Variants in ADRA1A observed in about 807,000 individuals in gnomAD.
ADRA1A encodes the protein alpha-1A adrenergic receptor.
In ADRA1A, 31 loss-of-function variants were observed where a neutral mutation model predicts 29.6. That is an observed-to-expected ratio of 1.05 (90% confidence interval 0.79 to 1.41). ADRA1A has a LOEUF of 1.41. Ranked by LOEUF, ADRA1A falls within the 40% of genes most tolerant of loss-of-function variation. The pLI is 0.00. For synonymous variants in ADRA1A, 311 were observed against 254.3 expected, an observed-to-expected ratio of 1.22 and a Z score of -2.12; for missense variants, 619 against 601.1, an observed-to-expected ratio of 1.03 and a Z score of -0.31.
chr8:26,800,531 C>A (rs1808498349), intron 2 of ADRA1A, among the ~76,000 whole-genome samples: 1 of 152,078 alleles, frequency 6.6e-6, no homozygotes, highest in Non-Finnish European at 1.5e-5. Context: ...CAGACACATA[C>A]AACCTACCAA....
At position 26,866,263 on chromosome 8, in the gene ADRA1A, G is replaced by A. The variant is rs1284592066; in HGVS notation, c.-686-608C>T. 6.6e-6 allele frequency among the ~76,000 whole-genome samples: 1 copy of A among 152,210 alleles called. No individual in the cohort carries two copies. The highest frequency in any genetic ancestry group is 2.4e-5 in the African/African-American group (1 of 41,458). ...AGAGCCAGGTCCCGAGCGAAGCCGG[G>A]AGGGACCCGAAGACAGAAAGCGACC... On this transcript the variant is annotated intron_variant, in intron 1 of 2. Transcript: ENST00000380573. The surrounding 1 kb of genome is among the most constrained non-coding windows in gnomAD (Gnocchi z 5.7).
At chr8:26,852,276 G>A (rs1172545129) in intron 2 of ADRA1A, among the ~76,000 whole-genome samples, 1 of 152,110 alleles carries the variant, frequency 6.6e-6, no homozygotes, top group Non-Finnish European at 1.5e-5. Flanking sequence ...AGCTTGGATT[G>A]TTTTTAATCT....
At chr8:26,766,634 A>T (rs141236672), downstream of ADRA1A, among the ~76,000 whole-genome samples, 11 of 152,320 alleles carry the variant, frequency 7.2e-5, no homozygotes, top group Non-Finnish European at 1.3e-4. Flanking sequence ...CAAATGGGAA[A>T]ACGTTTACCC....
At chr8:26,820,299 A>G (rs1810066179) in intron 2 of ADRA1A, among the ~76,000 whole-genome samples, 3 of 152,230 alleles carry the variant, frequency 2.0e-5, no homozygotes, top group Admixed American at 6.5e-5. Flanking sequence ...TGTTTTTCTC[A>G]ATTGTAGGTG....
intron 2 of ADRA1A, among the ~76,000 whole-genome samples, chr8:26,801,875 G>T (rs765565335): frequency 2.0e-5 from 3 of 152,212 alleles, no homozygotes; most frequent in African/African-American, 7.2e-5. Flanking sequence ...ATAACAACAT[G>T]GTACCGGCAT....
At chr8:26,758,107 G>A (rs973947115) in intron 2 of ADRA1A, among the ~76,000 whole-genome samples, 14 of 152,162 alleles carry the variant, frequency 9.2e-5, no homozygotes, top group African/African-American at 3.1e-4. Context: ...TTTTCCAGGT[G>A]GGGATATTTC....
chr8:26,781,989 A>G (rs997880521), intron 2 of ADRA1A, among the ~76,000 whole-genome samples: 25 of 152,238 alleles, frequency 1.6e-4, no homozygotes, highest in Admixed American at 1.1e-3. Context: ...GGACTGCTGC[A>G]AAGATGCTTA....
At chr8:26,824,468 A>G (rs1322410099) in intron 2 of ADRA1A, among the ~76,000 whole-genome samples, 2 of 152,166 alleles carry the variant, frequency 1.3e-5, no homozygotes, top group African/African-American at 4.8e-5. Flanking sequence ...GGTTATTGTG[A>G]GGATCGAACA....
chr8:26,792,731 C>T (rs996457420), intron 2 of ADRA1A, among the ~76,000 whole-genome samples: 1 of 146,972 alleles, frequency 6.8e-6, no homozygotes, highest in African/African-American at 2.6e-5. Flanking sequence ...AGGTCATATA[C>T]GTTGGTGATT....
downstream of ADRA1A, among the ~76,000 whole-genome samples, chr8:26,764,176 C>A (rs981853170): frequency 6.6e-6 from 1 of 152,120 alleles, no homozygotes; most frequent in Admixed American, 6.5e-5. Flanking sequence ...TGCAATGACC[C>A]ACAGGCTGAC....
chr8:26,810,858 C>T (rs1809331509), intron 2 of ADRA1A, among the ~76,000 whole-genome samples: 2 of 152,096 alleles, frequency 1.3e-5, no homozygotes, highest in Non-Finnish European at 2.9e-5. Flanking sequence ...AAGAGAATTG[C>T]CCTAATTTCA....
intron 2 of ADRA1A, among the ~76,000 whole-genome samples, chr8:26,839,197 C>T (rs1435663576): frequency 4.2e-5 from 6 of 144,222 alleles, no homozygotes; most frequent in South Asian, 2.3e-4. Flanking sequence ...CCTCGATCTA[C>T]GCCCAGGCTG....
intron 2 of ADRA1A, among the ~76,000 whole-genome samples, chr8:26,851,857 T>C (rs991412966): frequency 2.2e-4 from 33 of 152,052 alleles, no homozygotes; most frequent in African/African-American, 7.7e-4. Context: ...AAGTATATAA[T>C]AGATAATGGT....
intron 2 of ADRA1A, among the ~76,000 whole-genome samples, chr8:26,797,285 T>TTTTTA (rs148419934): frequency 1.9e-4 from 29 of 152,166 alleles, no homozygotes; most frequent in Admixed American, 2.6e-4. Flanking sequence ...GGGTTTATTA[T>TTTTTA]TTTTATTTTA....
In ADRA1A at chr8:26,821,476, A is replaced by G. The variant is rs1402483738; in HGVS notation, c.883+42611T>C. ...TGAGAACTCACTTTTCACCACGGAGATGGTGTTAAGCCATTCATGAGGAAG... is the reference window on the plus strand; with the variant it reads ...TGAGAACTCACTTTTCACCACGGAGGTGGTGTTAAGCCATTCATGAGGAAG... On this transcript the variant is annotated intron_variant, in intron 2 of 2. Transcript: ENST00000380573. The surrounding 1 kb of genome is among the most constrained non-coding windows in gnomAD (Gnocchi z 5.6). 6.6e-6 allele frequency among the ~76,000 whole-genome samples: 1 copy of G among 152,136 alleles called. No individual in the cohort carries two copies. Among genetic ancestry groups the G allele is most frequent in the Non-Finnish European group, 1.5e-5 (1 of 68,024 alleles).
In ADRA1A at chr8:26,787,776, C is replaced by T. The variant is rs185106862; in HGVS notation, c.884-17110G>A. ...TTCTGTGCCTCAGTTTCCTGGCACA[C>T]GTAAGTTCAGTGTCTGGCTGTAAGC... On this transcript the variant is annotated intron_variant, in intron 2 of 2. Coordinates refer to ENST00000380573, the MANE Select transcript of ADRA1A (RefSeq NM_000680.4). This position sits in a 1 kb window ranked among gnomAD's most constrained non-coding sequence, Gnocchi z 4.2. Among the ~76,000 whole-genome samples, 125 of 152,152 alleles carry T rather than the reference C, an allele frequency of 8.2e-4. 1 individual carries two copies. Among genetic ancestry groups the T allele is most frequent in the Non-Finnish European group, 2.9e-4 (20 of 68,018 alleles).
downstream of ADRA1A, among the ~76,000 whole-genome samples, chr8:26,751,801 A>G (rs1174222908): frequency 6.6e-6 from 1 of 152,258 alleles, no homozygotes; most frequent in Non-Finnish European, 1.5e-5. Context: ...CATTCTTTAC[A>G]TGTATCGGTC....
Position 26,867,169 on chromosome 8 carries a change from GA to G in ADRA1A, c.-921del, listed in dbSNP as rs571845060. ...TTTAAAAAGAGTCAAAATAAGAAAA[GA>G]AAAAAAAATGCAGATAACCGGTAAC... On this transcript the variant is annotated 5_prime_UTR_variant, in exon 1 of 3. Transcript: ENST00000380573. 127 of 983,210 alleles carry G rather than the reference GA, an allele frequency of 1.3e-4. No individual in the cohort carries two copies. The highest frequency in any genetic ancestry group is 8.4e-4 in the African/African-American group (48 of 56,996). 60.9% of individuals were successfully genotyped at this position (983,210 alleles called of 1,614,324 possible). A position where few individuals can be genotyped will look rare whatever the true frequency, so the allele number is the denominator to read the frequency against.
chr8:26,827,938 G>C lies in ADRA1A; in HGVS notation c.883+36149C>G, dbSNP rs1242278111. ...AGACAGGGTCTCACTCTTTCACCCAGGCTGGGGTGCAGTGGCGTGATCATG... is the reference window on the plus strand; with the variant it reads ...AGACAGGGTCTCACTCTTTCACCCACGCTGGGGTGCAGTGGCGTGATCATG... On this transcript the variant is annotated intron_variant, in intron 2 of 2. Coordinates refer to ENST00000380573, the MANE Select transcript of ADRA1A (RefSeq NM_000680.4). Among the ~76,000 whole-genome samples, 3 of 152,160 alleles carry C rather than the reference G, an allele frequency of 2.0e-5. No individual in the cohort carries two copies. The East Asian group carries it at 5.8e-4, about 29-fold the overall frequency.
Sources: gnomAD v4.1 joint callset for allele counts (sites outside exome capture counted in the v4.1 genomes callset) on GRCh38, gnomAD v4.1.1 for gene constraint, Gnocchi (gnomAD v3.1) non-coding constraint, MANE v1.5 for transcripts, NCBI Gene and HGNC (gene_info 2026-07-23, HGNC 2026-07-21) for gene names.